Variants in DGKB observed in about 807,000 individuals in gnomAD.
DGKB encodes 90 kDa diacylglycerol kinase.
Under a neutral mutation model 114.3 loss-of-function variants are expected in DGKB, and 67 were observed. That is an observed-to-expected ratio of 0.59 (90% CI 0.48 to 0.72). The LOEUF (loss-of-function observed/expected upper bound fraction) is 0.72. Ranked by LOEUF, DGKB falls within the 30% of genes least tolerant of loss-of-function variation. The probability of loss-of-function intolerance (pLI) is 0.00; values close to 1 mark genes in which losing one functional copy is unlikely to be tolerated. For missense variants in DGKB, 907 were observed against 975.2 expected (o/e 0.93, Z 0.93); for synonymous variants, 398 against 323.1 (o/e 1.23, Z -2.49).
At chr7:14,284,090 G>A (rs1800423207) in intron 23 of DGKB, among the ~76,000 whole-genome samples, 1 of 152,018 alleles carries the variant, frequency 6.6e-6, no homozygotes, top group African/African-American at 2.4e-5. Context: ...CTACAAAATG[G>A]GAGAAAATTT....
intron 23 of DGKB, among the ~76,000 whole-genome samples, chr7:14,293,481 T>C (rs1013771401): frequency 6.6e-6 from 1 of 152,220 alleles, no homozygotes; most frequent in African/African-American, 2.4e-5. Context: ...TTATGCCATT[T>C]ATTGTTATTT....
At chr7:14,665,909 C>T (rs150281002) in intron 13 of DGKB, among the ~76,000 whole-genome samples, 102 of 152,008 alleles carry the variant, frequency 6.7e-4, no homozygotes, top group Non-Finnish European at 1.1e-3. Context: ...ATTCTATAGG[C>T]CTATTTTATC....
rs185390800 is a variant in DGKB at position 14,847,844 on chromosome 7, A to T, written c.-187-6394T>A. On this transcript the variant is annotated intron_variant, in intron 1 of 25. Transcript: ENST00000402815. ...TTGAATGAAGATTAAAAACATCCTG[A>T]GCAGAAACTTAGAAGTAAAGAAAAA... 1.5e-3 allele frequency among the ~76,000 whole-genome samples: 232 copies of T among 152,356 alleles called. 1 individual carries two copies. Among genetic ancestry groups the T allele is most frequent in the African/African-American group, 5.3e-3 (219 of 41,588 alleles).
chr7:14,423,444 T>C (rs1295773364), intron 21 of DGKB, among the ~76,000 whole-genome samples: 2 of 152,066 alleles, frequency 1.3e-5, no homozygotes, highest in Non-Finnish European at 1.5e-5. Context: ...CTAACTATTA[T>C]ACTTTTAGAT....
At chr7:14,741,417 G>C (rs1474339844) in intron 4 of DGKB, among the ~76,000 whole-genome samples, 1 of 152,140 alleles carries the variant, frequency 6.6e-6, no homozygotes, top group Admixed American at 6.5e-5. Context: ...ATATGGTTCT[G>C]TCAGAAAGAG....
intron 23 of DGKB, among the ~76,000 whole-genome samples, chr7:14,182,175 C>G (rs1330305684): frequency 6.6e-6 from 1 of 151,910 alleles, no homozygotes; most frequent in East Asian, 1.9e-4. Flanking sequence ...ATCCACAATA[C>G]CAAAATATCT....
At chr7:14,508,196 A>C (rs1055228492) in intron 20 of DGKB, among the ~76,000 whole-genome samples, 3 of 152,212 alleles carry the variant, frequency 2.0e-5, no homozygotes, top group African/African-American at 7.2e-5. Flanking sequence ...TTAAGACACT[A>C]TACACTGAGA....
At chr7:14,855,983 A>G (rs764355361) in intron 1 of DGKB, among the ~76,000 whole-genome samples, 19 of 72,138 alleles carry the variant, frequency 2.6e-4, no homozygotes, top group Non-Finnish European at 2.4e-4. Flanking sequence ...AATTTAGATA[A>G]TGTGTATATA....
chr7:14,578,880 G>T (rs12674445), intron 19 of DGKB, among the ~76,000 whole-genome samples: 16,247 of 152,140 alleles, frequency 0.11, 1,292 homozygotes, highest in East Asian at 0.33. Context: ...TGACAAATAG[G>T]TTCCTGCATT....
chr7:14,623,798 T>C (rs1370679409), intron 14 of DGKB, among the ~76,000 whole-genome samples: 1 of 152,172 alleles, frequency 6.6e-6, no homozygotes, highest in Admixed American at 6.6e-5. Flanking sequence ...ATAATTTTAT[T>C]CATAGATAGT....
intron 21 of DGKB, among the ~76,000 whole-genome samples, chr7:14,439,838 C>G (rs1425479400): frequency 7.2e-6 from 1 of 138,794 alleles, no homozygotes; most frequent in Non-Finnish European, 1.5e-5. Flanking sequence ...GCACTCCAGC[C>G]TGGACGACAG....
At chr7:14,492,829 A>C (rs1784779068) in intron 20 of DGKB, among the ~76,000 whole-genome samples, 1 of 152,164 alleles carries the variant, frequency 6.6e-6, no homozygotes, top group Admixed American at 6.6e-5. Flanking sequence ...ACACATTTAA[A>C]GTACATGACA....
At chr7:14,518,183 C>A (rs571035254) in intron 20 of DGKB, among the ~76,000 whole-genome samples, 2 of 152,076 alleles carry the variant, frequency 1.3e-5, no homozygotes, top group East Asian at 3.9e-4. Context: ...GAACTAGAGG[C>A]CATTATCCTC....
At chr7:14,816,556 T>C (rs1258253659) in intron 2 of DGKB, 1 of 152,276 alleles carries the variant, frequency 6.6e-6, no homozygotes, top group Admixed American at 6.6e-5. Flanking sequence ...GCATGGATTA[T>C]GGAATCAGAC....
chr7:14,612,169 T>TA (rs1225435127), intron 16 of DGKB, among the ~76,000 whole-genome samples: 2 of 151,044 alleles, frequency 1.3e-5, no homozygotes, highest in African/African-American at 4.9e-5. Flanking sequence ...TATTTTATTT[T>TA]ATTTTATTTT....
chr7:14,706,990 G>T (rs1470831909), intron 6 of DGKB, among the ~76,000 whole-genome samples: 5 of 150,094 alleles, frequency 3.3e-5, no homozygotes, highest in Admixed American at 6.7e-5. Flanking sequence ...AGGAAATAGA[G>T]ACACAAAAAA....
At chr7:14,926,360 A>G (rs1334616801) in intron 1 of DGKB, among the ~76,000 whole-genome samples, 1 of 151,972 alleles carries the variant, frequency 6.6e-6, no homozygotes, top group Non-Finnish European at 1.5e-5. Context: ...TTTGATATAT[A>G]ATGAGTCATT....
At chr7:14,944,785 C>A (rs1785777172) in intron 1 of DGKB, among the ~76,000 whole-genome samples, 1 of 147,876 alleles carries the variant, frequency 6.8e-6, no homozygotes, top group East Asian at 2.1e-4. Context: ...GATATGCTAT[C>A]AAAAATGTCA....
chr7:14,959,212 T>C (rs1343239330), intron 1 of DGKB, among the ~76,000 whole-genome samples: 2 of 152,098 alleles, frequency 1.3e-5, no homozygotes, highest in Non-Finnish European at 2.9e-5. Context: ...TTTCATCATA[T>C]AATTAGTACA....
Sources: gnomAD v4.1 joint callset for allele counts (sites outside exome capture counted in the v4.1 genomes callset) on GRCh38, gnomAD v4.1.1 for gene constraint, MANE v1.5 for transcripts, NCBI Gene and HGNC (gene_info 2026-07-23, HGNC 2026-07-21) for gene names.